VKORC1L1: variants seen among roughly 807,000 people sequenced by gnomAD.
The protein encoded by VKORC1L1 is vitamin K epoxide reductase complex subunit 1-like protein 1.
Under a neutral mutation model 18.9 loss-of-function variants are expected in VKORC1L1, and 2 were observed. The ratio of observed to expected loss-of-function variants is 0.11; its 90% CI spans 0.04 to 0.33. The LOEUF is 0.33. Among genes scored for constraint, VKORC1L1 ranks in the 10% least tolerant of loss-of-function variants. The pLI is 1.00. For missense variants in VKORC1L1, 123 were observed against 224.1 expected, an observed-to-expected ratio of 0.55 and a Z score of 2.88; for synonymous variants, 96 against 100.0, an observed-to-expected ratio of 0.96 and a Z score of 0.24.
Position 65,895,514 on chromosome 7 carries a change from TATACAC to T in VKORC1L1, c.194+21951_194+21956del, listed in dbSNP as rs1789192901. Among the ~76,000 whole-genome samples, 3 of 77,496 alleles carry T rather than the reference TATACAC, an allele frequency of 3.9e-5. No individual in the cohort carries two copies. In the South Asian group the frequency reaches 1.6e-3, roughly 42 times the overall value. The allele number at this position is 77,496 out of a possible 152,430, so 50.8% of individuals were successfully genotyped here. On this transcript the variant is annotated intron_variant, in intron 1 of 2. Coordinates refer to ENST00000360768, the MANE Select transcript of VKORC1L1 (RefSeq NM_173517.6). ...ATATATATATATATATATATATATA[TATACAC>T]ACACACACACACACACACATATAAT...
rs946311969 is a variant in VKORC1L1, at chr7:65,958,338, C to G, written c.*4038C>G. ...TATGTTCCATCAGAAATATTTCTTACTAGTGCTTTAAGCTCCAGAGTAAAC... is the reference window on the plus strand; with the variant it reads ...TATGTTCCATCAGAAATATTTCTTAGTAGTGCTTTAAGCTCCAGAGTAAAC... On this transcript the variant is annotated 3_prime_UTR_variant, in exon 3 of 3. Transcript: ENST00000360768. The G allele has an allele frequency of 1.3e-4, 20 of 152,146 alleles. No individual in the cohort carries two copies. Among genetic ancestry groups the G allele is most frequent in the Non-Finnish European group, 2.4e-4 (16 of 68,022 alleles). 9.4% of individuals were successfully genotyped at this position (152,146 alleles called of 1,614,324 possible).
At chr7:65,907,083 C>G (rs913365959) in intron 1 of VKORC1L1, among the ~76,000 whole-genome samples, 3 of 152,146 alleles carry the variant, frequency 2.0e-5, no homozygotes, top group Non-Finnish European at 2.9e-5. Context: ...AAGGATAAGA[C>G]TGCTAGAGAC....
Position 65,914,895 on chromosome 7 carries a change from A to G in VKORC1L1, c.195-33776A>G, listed in dbSNP as rs185911857. The stretch of plus-strand genomic sequence containing the variant: ...TGGCACATGCCTTGTGGTCCCAGGT[A>G]CATGGGAAGCTGAGGTGAGAAACTC... On this transcript the variant is annotated intron_variant, in intron 1 of 2. Transcript: ENST00000360768. Among the ~76,000 whole-genome samples the G allele has an allele frequency of 1.9e-3, 284 of 152,222 alleles. 3 individuals are homozygous for G. Among genetic ancestry groups the G allele is most frequent in the African/African-American group, 6.7e-3 (277 of 41,548 alleles).
rs117435498 is a variant in VKORC1L1, at chr7:65,901,866, C to T, written c.194+28301C>T. On this transcript the variant is annotated intron_variant, in intron 1 of 2. Coordinates refer to ENST00000360768, the MANE Select transcript of VKORC1L1 (RefSeq NM_173517.6). Reference sequence around the variant, plus strand: ...GCAGCAGGCCAAACAATTCCTGGGACTCAACACAGAGCTGGGAATAGTCTG... The same window carrying T: ...GCAGCAGGCCAAACAATTCCTGGGATTCAACACAGAGCTGGGAATAGTCTG... Among the ~76,000 whole-genome samples the T allele has an allele frequency of 2.0e-4, 30 of 152,202 alleles. No homozygotes were observed. In the East Asian group the frequency reaches 5.8e-3, roughly 29 times the overall value.
chr7:65,921,619 T>C lies in VKORC1L1; in HGVS notation c.195-27052T>C, dbSNP rs538423741. Among the ~76,000 whole-genome samples the C allele has an allele frequency of 2.5e-3, 386 of 152,258 alleles. 2 individuals carry two copies. Among genetic ancestry groups the C allele is most frequent in the Non-Finnish European group, 4.1e-3 (278 of 68,026 alleles). On this transcript the variant is annotated intron_variant, in intron 1 of 2. Transcript: ENST00000360768. ...ATCCCAACACTTTGGGAGGCCAAGA[T>C]AAGTGGATCATGAGGTCAGGAACTC...
At chr7:65,907,516 C>T (rs991505321) in intron 1 of VKORC1L1, among the ~76,000 whole-genome samples, 4 of 152,140 alleles carry the variant, frequency 2.6e-5, no homozygotes, top group South Asian at 2.1e-4. Context: ...ATATTTCTGA[C>T]GGCCTCTGGC....
intron 1 of VKORC1L1, among the ~76,000 whole-genome samples, chr7:65,903,916 T>G (rs1350856037): frequency 6.6e-6 from 1 of 152,110 alleles, no homozygotes; most frequent in Non-Finnish European, 1.5e-5. Flanking sequence ...CTAGAAATGG[T>G]AACTGGGAGT....
intron 1 of VKORC1L1, among the ~76,000 whole-genome samples, chr7:65,887,486 T>C (rs1401840393): frequency 6.6e-6 from 1 of 151,752 alleles, no homozygotes; most frequent in African/African-American, 2.4e-5. Flanking sequence ...TGCTTTTAGA[T>C]CCTAATTGTG....
At chr7:65,937,243 A>ACAC (rs1554301274) in intron 1 of VKORC1L1, among the ~76,000 whole-genome samples, 2 of 152,078 alleles carry the variant, frequency 1.3e-5, no homozygotes, top group African/African-American at 4.8e-5. Flanking sequence ...TCCAGTTTTT[A>ACAC]CTCTCCTCTA....
intron 1 of VKORC1L1, among the ~76,000 whole-genome samples, chr7:65,927,296 GAA>G (rs5884578): frequency 1.4e-5 from 2 of 147,038 alleles, no homozygotes; most frequent in South Asian, 2.1e-4. Flanking sequence ...TCAAAAAAAG[GAA>G]AAAAAAAAAT....
intron 1 of VKORC1L1, among the ~76,000 whole-genome samples, chr7:65,933,062 A>G (rs1228107377): frequency 6.7e-6 from 1 of 149,580 alleles, no homozygotes; most frequent in Non-Finnish European, 1.5e-5. Flanking sequence ...TGGGCAACAG[A>G]ATAAGACTTC....
chr7:65,873,576 T>TG lies in VKORC1L1; in HGVS notation c.194+16dup. On this transcript the variant is annotated intron_variant, in intron 1 of 2. Coordinates refer to ENST00000360768, the MANE Select transcript of VKORC1L1 (RefSeq NM_173517.6). The stretch of plus-strand genomic sequence containing the variant: ...CGCCCTTGCCTCCAGGTAGCCGGCT[T>TG]GGGGGAGTGGGCCAGGAGCGGCCGA... 1 of 1,491,352 alleles carries TG rather than the reference T, an allele frequency of 6.7e-7. No individual in the cohort carries two copies. Among genetic ancestry groups the TG allele is most frequent in the Non-Finnish European group, 8.9e-7 (1 of 1,119,072 alleles). The allele number at this position is 1,491,352 out of a possible 1,614,324, so 92.4% of individuals were successfully genotyped here. A position where few individuals can be genotyped will look rare whatever the true frequency, so the allele number is the denominator to read the frequency against.
At chr7:65,874,858 A>T (rs982255968) in intron 1 of VKORC1L1, among the ~76,000 whole-genome samples, 6 of 152,288 alleles carry the variant, frequency 3.9e-5, no homozygotes, top group African/African-American at 1.2e-4. Context: ...ACTTGTCTTT[A>T]AAAAAGTGTA....
At chr7:65,871,598 TTC>T (rs1788726853), upstream of VKORC1L1, among the ~76,000 whole-genome samples, 2 of 152,266 alleles carry the variant, frequency 1.3e-5, no homozygotes, top group Non-Finnish European at 2.9e-5. Flanking sequence ...CACTCTCATT[TTC>T]TTTTTCTGTC....
intron 1 of VKORC1L1, among the ~76,000 whole-genome samples, chr7:65,920,495 A>G (rs1185447819): frequency 6.6e-6 from 1 of 152,212 alleles, no homozygotes; most frequent in Non-Finnish European, 1.5e-5. Flanking sequence ...ATTGATTAAC[A>G]TATAGATTCG....
At chr7:65,928,419 A>T (rs1789802953) in intron 1 of VKORC1L1, among the ~76,000 whole-genome samples, 1 of 151,776 alleles carries the variant, frequency 6.6e-6, no homozygotes, top group Non-Finnish European at 1.5e-5. Flanking sequence ...GGCTTTCCCC[A>T]TCCCTAACTC....
chr7:65,888,414 AACT>A (rs1456121179), intron 1 of VKORC1L1, among the ~76,000 whole-genome samples: 1 of 152,218 alleles, frequency 6.6e-6, no homozygotes, highest in Non-Finnish European at 1.5e-5. Flanking sequence ...AATTGTTTCA[AACT>A]AAAGCAGGCC....
intron 1 of VKORC1L1, among the ~76,000 whole-genome samples, chr7:65,924,331 C>G (rs572493690): frequency 1.4e-4 from 22 of 152,330 alleles, no homozygotes; most frequent in African/African-American, 5.1e-4. Context: ...TAGCAGCAAA[C>G]TCGTCTTTGC....
At chr7:65,921,457 C>T (rs569524778) in intron 1 of VKORC1L1, among the ~76,000 whole-genome samples, 131 of 152,284 alleles carry the variant, frequency 8.6e-4, no homozygotes, top group Non-Finnish European at 1.5e-3. Flanking sequence ...GAGATCATAG[C>T]TCACTGCAGC....
Sources: gnomAD v4.1 joint callset for allele counts (sites outside exome capture counted in the v4.1 genomes callset) on GRCh38, gnomAD v4.1.1 for gene constraint, MANE v1.5 for transcripts, NCBI Gene and HGNC (gene_info 2026-07-23, HGNC 2026-07-21) for gene names.